CLVS1: variants seen among roughly 807,000 people sequenced by gnomAD.
CLVS1 encodes the protein clavesin 1, also known as clavesin-1.
In CLVS1, 10 loss-of-function variants were observed where a neutral mutation model predicts 33.1. The ratio of observed to expected loss-of-function variants is 0.30; its 90% CI spans 0.19 to 0.51. CLVS1 has a LOEUF of 0.51. Among genes scored for constraint, CLVS1 ranks in the 20% least tolerant of loss-of-function variants. The probability of loss-of-function intolerance (pLI) is 0.97; values close to 1 mark genes in which losing one functional copy is unlikely to be tolerated. For missense variants in CLVS1, 343 were observed against 433.4 expected (o/e 0.79, Z 1.85); for synonymous variants, 163 against 166.1 (o/e 0.98, Z 0.14).
At chr8:61,196,354 G>A (rs938383889) in intron 2 of CLVS1, among the ~76,000 whole-genome samples, 3 of 152,100 alleles carry the variant, frequency 2.0e-5, no homozygotes, top group African/African-American at 4.8e-5. Flanking sequence ...AAAGCTTCTT[G>A]GTACTGTACC....
intron 3 of CLVS1, among the ~76,000 whole-genome samples, chr8:61,386,011 G>A (rs117376690): frequency 9.1e-4 from 138 of 152,242 alleles, no homozygotes; most frequent in African/African-American, 3.1e-3. Context: ...TACATCACCC[G>A]GAAATTGGAA....
intron 1 of CLVS1, among the ~76,000 whole-genome samples, chr8:61,072,807 A>G (rs1159797006): frequency 1.2e-4 from 19 of 152,208 alleles, no homozygotes; most frequent in Admixed American, 9.2e-4. Context: ...AGAACAAACC[A>G]TTTTCCAAAT....
At chr8:61,178,094 C>T (rs1242398631) in intron 2 of CLVS1, among the ~76,000 whole-genome samples, 1 of 152,038 alleles carries the variant, frequency 6.6e-6, no homozygotes, top group African/African-American at 2.4e-5. Context: ...AAGCTAAGAA[C>T]CTTGATAAAA....
chr8:61,052,876 T>C (rs1162177586), upstream of CLVS1, among the ~76,000 whole-genome samples: 3 of 152,120 alleles, frequency 2.0e-5, no homozygotes, highest in Non-Finnish European at 2.9e-5. Flanking sequence ...ACCAGGGCAC[T>C]GAAGGGTGCC....
chr8:61,162,345 T>C (rs1806769778), intron 2 of CLVS1, among the ~76,000 whole-genome samples: 1 of 152,226 alleles, frequency 6.6e-6, no homozygotes, highest in Non-Finnish European at 1.5e-5. Context: ...TCAGTTTGTG[T>C]AGCAGACATG....
At chr8:61,210,694 C>T (rs1349317512) in intron 2 of CLVS1, among the ~76,000 whole-genome samples, 1 of 152,102 alleles carries the variant, frequency 6.6e-6, no homozygotes, top group Non-Finnish European at 1.5e-5. Context: ...TAGACTTGCA[C>T]CCGAGGAGAA....
chr8:61,272,970 G>A (rs1319141480), intron 2 of CLVS1, among the ~76,000 whole-genome samples: 9 of 149,944 alleles, frequency 6.0e-5, no homozygotes, highest in East Asian at 2.0e-4. Flanking sequence ...TAATTTGATC[G>A]TCTGAAGCCT....
intron 1 of CLVS1, among the ~76,000 whole-genome samples, chr8:61,059,403 T>G: frequency 6.7e-6 from 1 of 148,252 alleles, no homozygotes; most frequent in East Asian, 2.0e-4. Context: ...GAGTGTTGAG[T>G]GTTCTTTATA....
At chr8:60,999,902 C>T in the CLVS1 span, among the ~76,000 whole-genome samples, 4 of 152,062 alleles carry the variant, frequency 2.6e-5, no homozygotes, top group Admixed American at 6.6e-5. Flanking sequence ...TGGGTGAAAG[C>T]GGGTAAGAGA....
At chr8:61,063,506 G>A (rs1485205172) in intron 1 of CLVS1, among the ~76,000 whole-genome samples, 2 of 152,146 alleles carry the variant, frequency 1.3e-5, no homozygotes, top group African/African-American at 4.8e-5. Flanking sequence ...AACATTGCAA[G>A]CTGTTTGGCC....
At chr8:61,359,030 T>C (rs1041135501) in intron 2 of CLVS1, among the ~76,000 whole-genome samples, 1 of 152,238 alleles carries the variant, frequency 6.6e-6, no homozygotes, top group African/African-American at 2.4e-5. Flanking sequence ...ATATTTCTTT[T>C]ATAGATTTCT....
chr8:61,500,526 C>G lies in CLVS1; in HGVS notation c.*984C>G, dbSNP rs1365486146. 1 of 152,174 alleles carries G rather than the reference C, an allele frequency of 6.6e-6. No individual in the cohort carries two copies. 9.4% of individuals were successfully genotyped at this position (152,174 alleles called of 1,614,324 possible). A position where few individuals can be genotyped will look rare whatever the true frequency, so the allele number is the denominator to read the frequency against. Reference sequence around the variant, plus strand: ...ATATGGATGGCTAAATATGCAAGTACTGAAGTAAGAGAAGACTAGAAATGC... The same window carrying G: ...ATATGGATGGCTAAATATGCAAGTAGTGAAGTAAGAGAAGACTAGAAATGC... On this transcript the variant is annotated 3_prime_UTR_variant, in exon 6 of 6. Coordinates refer to ENST00000325897, the MANE Select transcript of CLVS1 (RefSeq NM_173519.3).
At chr8:61,184,639 G>A (rs886183981) in intron 2 of CLVS1, among the ~76,000 whole-genome samples, 1 of 152,096 alleles carries the variant, frequency 6.6e-6, no homozygotes, top group Non-Finnish European at 1.5e-5. Context: ...CCAGCAAAAC[G>A]GAAACTGAAT....
At chr8:61,114,562 T>C (rs1805683733) in intron 1 of CLVS1, among the ~76,000 whole-genome samples, 1 of 152,194 alleles carries the variant, frequency 6.6e-6, no homozygotes, top group African/African-American at 2.4e-5. Flanking sequence ...ATGTTTATCA[T>C]CCAGCTAGCT....
the CLVS1 span, among the ~76,000 whole-genome samples, chr8:60,985,090 C>T: frequency 2.6e-5 from 4 of 152,308 alleles, no homozygotes; most frequent in African/African-American, 7.2e-5. Context: ...AGGAAGATTT[C>T]GGACCAACTA....
chr8:61,359,913 A>G (rs1812901631), intron 2 of CLVS1, among the ~76,000 whole-genome samples: 1 of 152,060 alleles, frequency 6.6e-6, no homozygotes, highest in African/African-American at 2.4e-5. Context: ...TAGGCATTTG[A>G]GTTGCCAGCT....
chr8:60,975,951 T>C, the CLVS1 span, among the ~76,000 whole-genome samples: 1 of 152,128 alleles, frequency 6.6e-6, no homozygotes, highest in Non-Finnish European at 1.5e-5. Flanking sequence ...GAAGAGTACA[T>C]ACAATAAGTA....
intron 1 of CLVS1, among the ~76,000 whole-genome samples, chr8:61,058,620 G>A (rs1804522949): frequency 6.6e-6 from 1 of 152,148 alleles, no homozygotes; most frequent in Non-Finnish European, 1.5e-5. Context: ...ATACTACCAT[G>A]CAATCATCAC....
chr8:61,270,084 C>T (rs913875797), intron 2 of CLVS1, among the ~76,000 whole-genome samples: 2 of 152,162 alleles, frequency 1.3e-5, no homozygotes, highest in African/African-American at 4.8e-5. Flanking sequence ...GCATCCCTCT[C>T]TTGTGCCAGT....
Sources: allele counts gnomAD v4.1 joint callset (sites outside exome capture counted in the v4.1 genomes callset), GRCh38; gene constraint gnomAD v4.1.1; transcripts MANE v1.5; gene names NCBI Gene and HGNC (gene_info 2026-07-23, HGNC 2026-07-21).